The following PPP1R3F variants were observed in gnomAD, a reference collection of about 807,000 sequenced individuals.
PPP1R3F encodes protein phosphatase 1, regulatory (inhibitor) subunit 3F.
PPP1R3F carries 29 observed loss-of-function variants against 24.2 expected under a neutral mutation model. The ratio of observed to expected loss-of-function variants is 1.20; its 90% CI spans 0.89 to 1.63. The LOEUF is 1.63. PPP1R3F is among the 40% of genes most tolerant of loss of function. The pLI is 0.00. For synonymous variants in PPP1R3F, 363 were observed against 340.1 expected (o/e 1.07, Z -0.74); for missense variants, 823 against 729.3 (o/e 1.13, Z -1.48).
Position 49,270,420 on chromosome X carries a change from C to T in PPP1R3F, c.551C>T (p.Ser184Leu). ...SFEKAVHVRA[S>L]HDGWASFCDH... The stretch of plus-strand genomic sequence containing the variant: ...GAGAAGGCGGTGCACGTGCGGGCCT[C>T]ACACGACGGCTGGGCTTCCTTTTGC... Residue 184 changes from serine to leucine, a missense_variant, in exon 1 of 4, where the codon TCA becomes TTA. Physicochemically the swap from Ser to Leu is moderately radical, Grantham distance 145. Transcript: ENST00000055335. 8.4e-7 allele frequency: 1 copy of T among 1,186,551 alleles called. No individual in the cohort carries two copies. The highest frequency in any genetic ancestry group is 1.1e-6 in the Non-Finnish European group (1 of 888,373).
chrX:49,293,211 A>G (rs1216143889), intron 3 of PPP1R3F, among the ~76,000 whole-genome samples: 1 of 112,453 alleles, frequency 8.9e-6, no homozygotes, highest in Non-Finnish European at 1.9e-5. Flanking sequence ...TGCAGTCATT[A>G]CAGCCATGTG....
chrX:49,269,833 C>T lies in PPP1R3F; in HGVS notation c.-37C>T, dbSNP rs1320503315. On this transcript the variant is annotated 5_prime_UTR_variant, in exon 1 of 4. Transcript: ENST00000055335. ...CTTCAGGCCCTGCCCCCGCCGGTCC[C>T]GCCGCCGGTGCCGTCGGTGCCGCCG... is the stretch of plus-strand genomic sequence containing the variant. 1.3e-5 allele frequency: 11 copies of T among 862,707 alleles called. 1 individual carries two copies. Among genetic ancestry groups the T allele is most frequent in the South Asian group, 6.1e-5 (1 of 16,440 alleles). 71.1% of individuals were successfully genotyped at this position (862,707 alleles called of 1,213,427 possible). A position where few individuals can be genotyped will look rare whatever the true frequency, so the allele number is the denominator to read the frequency against.
At position 49,287,402 on chromosome X, in the gene PPP1R3F, C is replaced by A. The variant is rs1240340980; in HGVS notation, c.*312C>A. On this transcript the variant is annotated 3_prime_UTR_variant, in exon 4 of 4. Transcript: ENST00000055335. ...TGAGCTGGTCTTGGGGCACAATTAC[C>A]CAGAGATATATTTATTAACAGCCAA... The A allele has an allele frequency of 3.8e-6, 1 of 264,984 alleles. No individual in the cohort carries two copies. The highest frequency in any genetic ancestry group is 2.8e-5 in the African/African-American group (1 of 35,196). 21.8% of individuals were successfully genotyped at this position (264,984 alleles called of 1,213,427 possible). A position where few individuals can be genotyped will look rare whatever the true frequency, so the allele number is the denominator to read the frequency against.
At chrX:49,295,144 AT>A (rs1245985148) in intron 3 of PPP1R3F, among the ~76,000 whole-genome samples, 1 of 110,155 alleles carries the variant, frequency 9.1e-6, no homozygotes, top group Non-Finnish European at 1.9e-5. Context: ...ATTTTATTTT[AT>A]TTTAATTTGT....
intron 3 of PPP1R3F, among the ~76,000 whole-genome samples, chrX:49,282,874 G>C (rs1332868302): frequency 1.8e-5 from 2 of 109,174 alleles, no homozygotes; most frequent in Non-Finnish European, 3.8e-5. Flanking sequence ...GATTTAACAG[G>C]CTCCCTCTGG....
chrX:49,269,854 C>G lies in PPP1R3F; in HGVS notation c.-16C>G. ...GTCCCGCCGCCGGTGCCGTCGGTGC[C>G]GCCGCCGCCGCCGATATGGCGCGTA... On this transcript the variant is annotated 5_prime_UTR_variant, in exon 1 of 4. Coordinates refer to ENST00000055335, the MANE Select transcript of PPP1R3F (RefSeq NM_033215.5). 1 of 852,950 alleles carries G rather than the reference C, an allele frequency of 1.2e-6. No homozygotes were observed. The highest frequency in any genetic ancestry group is 1.4e-6 in the Non-Finnish European group (1 of 695,436). The allele number at this position is 852,950 out of a possible 1,213,427, so 70.3% of individuals were successfully genotyped here.
intron 2 of PPP1R3F, among the ~76,000 whole-genome samples, chrX:49,281,705 G>A (rs73634217): frequency 8.0e-4 from 87 of 108,694 alleles, no homozygotes; most frequent in African/African-American, 2.8e-3. Context: ...GCATGCATCC[G>A]TAGTCCCTGC....
intron 1 of PPP1R3F, among the ~76,000 whole-genome samples, chrX:49,271,864 A>G (rs2066182280): frequency 1.8e-5 from 2 of 112,391 alleles, no homozygotes; most frequent in East Asian, 5.6e-4. Context: ...ATTTAGGGAC[A>G]GGGAGAAATA....
chrX:49,285,895 C>T lies in PPP1R3F; in HGVS notation c.1205C>T (p.Pro402Leu), dbSNP rs1557121332. The T allele has an allele frequency of 8.3e-7, 1 of 1,201,965 alleles. No individual in the cohort carries two copies. Among genetic ancestry groups the T allele is most frequent in the South Asian group, 1.8e-5 (1 of 55,533 alleles). The change falls in exon 4 of 4, where the codon CCA becomes CTA. Residue 402 changes from proline to leucine, a missense_variant. Pro to Leu is a moderately conservative substitution (Grantham distance 98, BLOSUM62 -3). Coordinates refer to ENST00000055335, the MANE Select transcript of PPP1R3F (RefSeq NM_033215.5). ...AEEGDVPRSS[P>L]PVAFTEVLQA... is the part of the protein sequence containing the mutation. The stretch of plus-strand genomic sequence containing the variant: ...GAAGGTGATGTCCCCAGAAGCAGTC[C>T]ACCTGTGGCTTTTACAGAGGTCCTC...
chrX:49,271,737 GA>G (rs2066181537), intron 1 of PPP1R3F, among the ~76,000 whole-genome samples: 1 of 113,138 alleles, frequency 8.8e-6, no homozygotes, highest in African/African-American at 3.2e-5. Context: ...CTGTGGAGGC[GA>G]GGGGCTGAGC....
At chrX:49,299,140 G>A (rs2066330749) in intron 3 of PPP1R3F, among the ~76,000 whole-genome samples, 1 of 111,673 alleles carries the variant, frequency 9.0e-6, no homozygotes, top group African/African-American at 3.3e-5. Context: ...CATCTTTGTG[G>A]ATTTATCTCC....
At chrX:49,294,039 G>C (rs1384714498) in intron 3 of PPP1R3F, among the ~76,000 whole-genome samples, 1 of 111,346 alleles carries the variant, frequency 9.0e-6, no homozygotes, top group Non-Finnish European at 1.9e-5. Flanking sequence ...CCCACACAAG[G>C]ATTTTCAACT....
In PPP1R3F at chrX:49,285,924, G is replaced by C. The variant is rs1557121342; in HGVS notation, c.1234G>C (p.Ala412Pro). The C allele has an allele frequency of 8.3e-7, 1 of 1,208,375 alleles. No homozygotes were observed. Among genetic ancestry groups the C allele is most frequent in the Admixed American group, 2.2e-5 (1 of 45,889 alleles). Residue 412 changes from alanine to proline, a missense_variant, in exon 4 of 4, where the codon GCA becomes CCA. By Grantham distance (27) the Ala-to-Pro change is conservative. Transcript: ENST00000055335. Reference protein sequence around the residue: ...PPVAFTEVLQAPAIRIPPSSP... With the variant: ...PPVAFTEVLQPPAIRIPPSSP... ...TGTGGCTTTTACAGAGGTCCTCCAG[G>C]CACCGGCCATCAGGATTCCCCCCTC...
chrX:49,275,295 C>G, intron 1 of PPP1R3F: 1 of 111,967 alleles, frequency 8.9e-6, no homozygotes, highest in Non-Finnish European at 1.9e-5. Flanking sequence ...AGACCACACT[C>G]TGCTGGTTTT....
intron 3 of PPP1R3F, among the ~76,000 whole-genome samples, chrX:49,299,883 G>C (rs782229773): frequency 8.9e-6 from 1 of 112,098 alleles, no homozygotes; most frequent in African/African-American, 3.2e-5. Flanking sequence ...AGCATCCCAG[G>C]TCAACTTCAG....
chrX:49,292,161 CAT>C (rs1387388075), downstream of PPP1R3F, among the ~76,000 whole-genome samples: 1 of 111,384 alleles, frequency 9.0e-6, no homozygotes, highest in Non-Finnish European at 1.9e-5. Context: ...CCTCAGGGTG[CAT>C]GAGCTCCAGG....
chrX:49,271,221 A>T (rs1366925285), intron 1 of PPP1R3F, among the ~76,000 whole-genome samples: 1 of 111,682 alleles, frequency 9.0e-6, no homozygotes, highest in African/African-American at 3.3e-5. Flanking sequence ...GTAAGGGGAT[A>T]GATTGGGAGG....
chrX:49,289,987 A>G (rs1377533104), downstream of PPP1R3F, among the ~76,000 whole-genome samples: 1 of 111,212 alleles, frequency 9.0e-6, no homozygotes, highest in East Asian at 2.8e-4. Context: ...GAGAATCACT[A>G]GAACCCAGGA....
At chrX:49,282,149 C>T in intron 3 of PPP1R3F, 86 bp downstream of exon 3, 1 of 730,550 alleles carries the variant, frequency 1.4e-6, no homozygotes, top group Non-Finnish European at 2.1e-6. Context: ...GTGGGGCCCA[C>T]TAGCTCTGGG....
Sources: allele counts gnomAD v4.1 joint callset (sites outside exome capture counted in the v4.1 genomes callset), GRCh38; gene constraint gnomAD v4.1.1; transcripts MANE v1.5; gene names NCBI Gene and HGNC (gene_info 2026-07-23, HGNC 2026-07-21).